MYOM2: variants seen among roughly 807,000 people sequenced by gnomAD.
The protein encoded by MYOM2 is myomesin 2.
Under a neutral mutation model 187.6 loss-of-function variants are expected in MYOM2, and 254 were observed. The observed-to-expected ratio is 1.35, with a 90% confidence interval of 1.22 to 1.50. MYOM2 has a LOEUF of 1.50. Among genes scored for constraint, MYOM2 ranks in the 40% most tolerant of loss-of-function variants. The pLI is 0.00. For synonymous variants in MYOM2, 981 were observed against 753.8 expected, an observed-to-expected ratio of 1.30 and a Z score of -4.94; for missense variants, 2,796 against 1,924.0, an observed-to-expected ratio of 1.45 and a Z score of -8.48.
chr8:2,050,955 C>T, intron 2 of MYOM2, 82 bp downstream of exon 2: 1 of 1,104,476 alleles, frequency 9.1e-7, no homozygotes, highest in South Asian at 1.4e-5. Context: ...GTTCCGTCAG[C>T]CCTGGAGAGG....
rs758582096 is a variant in MYOM2, at chr8:2,123,333, G to A, written c.3535G>A (p.Glu1179Lys). The A allele has an allele frequency of 5.6e-6, 9 of 1,613,926 alleles. No homozygotes were observed. In the South Asian group the frequency reaches 8.8e-5, roughly 16 times the overall value. The change falls in exon 29 of 37, where the codon GAG becomes AAG. Residue 1179 changes from glutamate to lysine, a missense_variant. Glu to Lys is a moderately conservative substitution (Grantham distance 56). Transcript: ENST00000262113. ...LYETETLPNLERGICELLIPK... is the reference protein window; with the variant it reads ...LYETETLPNLKRGICELLIPK... ...TGAAACGGAGACACTGCCTAACCTG[G>A]AGAGGGGAATCTGTGAGCTCCTCAT...
At chr8:2,049,504 A>T (rs1818414672) in intron 1 of MYOM2, among the ~76,000 whole-genome samples, 1 of 152,186 alleles carries the variant, frequency 6.6e-6, no homozygotes, top group Admixed American at 6.5e-5. Context: ...GGAGATCTGA[A>T]CTATGACAAA....
intron 1 of MYOM2, among the ~76,000 whole-genome samples, chr8:2,048,146 G>C (rs542384637): frequency 2.0e-5 from 3 of 152,340 alleles, no homozygotes; most frequent in African/African-American, 7.2e-5. Flanking sequence ...AGTGTAAGTA[G>C]ATACTGTGAT....
intron 31 of MYOM2, among the ~76,000 whole-genome samples, chr8:2,125,724 C>T (rs1053165600): frequency 5.5e-5 from 8 of 146,266 alleles, no homozygotes; most frequent in African/African-American, 1.8e-4. Flanking sequence ...TTTCCTACCT[C>T]AGTCTCCAGA....
At chr8:2,063,106 G>A (rs1818904652) in intron 6 of MYOM2, among the ~76,000 whole-genome samples, 1 of 152,168 alleles carries the variant, frequency 6.6e-6, no homozygotes, top group African/African-American at 2.4e-5. Context: ...TTTTGTCTCA[G>A]TATTCTTGTT....
intron 31 of MYOM2, among the ~76,000 whole-genome samples, chr8:2,125,732 A>C (rs1797613535): frequency 6.9e-6 from 1 of 145,902 alleles, no homozygotes; most frequent in African/African-American, 2.5e-5. Flanking sequence ...CTCAGTCTCC[A>C]GAGTAGCTGG....
chr8:2,144,999 G>A lies in MYOM2; in HGVS notation c.*18G>A, dbSNP rs753713060. On this transcript the variant is annotated 3_prime_UTR_variant, in exon 37 of 37. Transcript: ENST00000262113. ...GCCAGTGAAGGCGTTTTCCTAGCCT[G>A]GAGATGGGAAAATATGCTTGGCAGA... 1 of 1,609,852 alleles carries A rather than the reference G, an allele frequency of 6.2e-7. No individual in the cohort carries two copies. Among genetic ancestry groups the A allele is most frequent in the South Asian group, 1.1e-5 (1 of 90,766 alleles).
intron 25 of MYOM2, among the ~76,000 whole-genome samples, chr8:2,113,615 G>C (rs2116827836): frequency 6.6e-6 from 1 of 152,320 alleles, no homozygotes; most frequent in South Asian, 2.1e-4. Context: ...CATAGTTTCA[G>C]CCGATGACTG....
At position 2,085,256 on chromosome 8, in the gene MYOM2, C is replaced by T. The variant is rs1413992835; in HGVS notation, c.1517-7C>T. On this transcript the variant is annotated splice_region_variant and splice_polypyrimidine_tract_variant and intron_variant, in intron 13 of 36. Coordinates refer to ENST00000262113, the MANE Select transcript of MYOM2 (RefSeq NM_003970.4). ...TTCAGCACTCACCGAATTTATTATT[C>T]CTCCAGGTGACGCCCAGGTTCCAGG... is the stretch of plus-strand genomic sequence containing the variant. The T allele has an allele frequency of 4.3e-6, 7 of 1,613,558 alleles. No homozygotes were observed. The highest frequency in any genetic ancestry group is 5.1e-6 in the Non-Finnish European group (6 of 1,179,764).
At chr8:2,125,684 T>C (rs1797611846) in intron 31 of MYOM2, among the ~76,000 whole-genome samples, 1 of 135,980 alleles carries the variant, frequency 7.4e-6, no homozygotes, top group Non-Finnish European at 1.5e-5. Context: ...CTCGGCTCAC[T>C]GCAACCTCCA....
chr8:2,078,307 A>G (rs1339704815), intron 11 of MYOM2, among the ~76,000 whole-genome samples: 1 of 152,152 alleles, frequency 6.6e-6, no homozygotes, highest in Admixed American at 6.5e-5. Context: ...CTGGAGGCAG[A>G]GGGGGCTGAG....
At chr8:2,046,734 C>A (rs1028293524) in intron 1 of MYOM2, among the ~76,000 whole-genome samples, 3 of 142,352 alleles carry the variant, frequency 2.1e-5, no homozygotes, top group Non-Finnish European at 4.6e-5. Flanking sequence ...CTTTCTTTCT[C>A]TCTCTCTTTC....
intron 14 of MYOM2, among the ~76,000 whole-genome samples, chr8:2,086,420 T>G (rs1017335469): frequency 1.9e-4 from 25 of 128,928 alleles, no homozygotes; most frequent in Non-Finnish European, 3.2e-4. Flanking sequence ...GGCCTCCCAC[T>G]GTTGTGATCT....
At chr8:2,066,299 C>T (rs761179711) in intron 6 of MYOM2, among the ~76,000 whole-genome samples, 18 of 152,324 alleles carry the variant, frequency 1.2e-4, no homozygotes, top group South Asian at 4.1e-4. Flanking sequence ...TGTGCGTTCA[C>T]AGGACAGGCT....
In MYOM2 at chr8:2,069,299, G is replaced by T; in HGVS notation, c.675G>T (p.Ala225=). 1.2e-6 allele frequency: 2 copies of T among 1,613,060 alleles called. No individual in the cohort carries two copies. Among genetic ancestry groups the T allele is most frequent in the Non-Finnish European group, 1.7e-6 (2 of 1,179,646 alleles). Residue 225 remains alanine, a synonymous_variant, in exon 7 of 37, where the codon GCG becomes GCT. Transcript: ENST00000262113. Reference sequence around the variant, plus strand: ...CAAGGGCAGACTTTGACGACACTGCGACATACTCAGCAGTGGCCACCAATG... The same window carrying T: ...CAAGGGCAGACTTTGACGACACTGCTACATACTCAGCAGTGGCCACCAATG... The part of the protein sequence containing the change: ...EINRADFDDT[A]TYSAVATNAH...
At chr8:2,101,393 C>T (rs181762060) in intron 20 of MYOM2, among the ~76,000 whole-genome samples, 3 of 152,274 alleles carry the variant, frequency 2.0e-5, no homozygotes, top group Admixed American at 1.3e-4. Context: ...AAACTAACCA[C>T]AAAAAATAAA....
At chr8:2,105,366 T>A (rs1443165497) in intron 21 of MYOM2, among the ~76,000 whole-genome samples, 1 of 152,192 alleles carries the variant, frequency 6.6e-6, no homozygotes, top group Non-Finnish European at 1.5e-5. Context: ...GAGATGTGTC[T>A]CGTCCAATTC....
In MYOM2 at chr8:2,123,283, A is replaced by C. The variant is rs1797519864; in HGVS notation, c.3485A>C (p.Lys1162Thr). ...AACACCAAGAAAGAAACCGTTTTCA[A>C]ATGGCTCAAGGATGATGTTCTGTAT... ...VANTKKETVFKWLKDDVLYET... is the reference protein window; with the variant it reads ...VANTKKETVFTWLKDDVLYET... Residue 1162 changes from lysine (K) to threonine (T), a missense_variant, in exon 29 of 37, where the codon AAA becomes ACA. Coordinates refer to ENST00000262113, the MANE Select transcript of MYOM2 (RefSeq NM_003970.4). 3 of 1,613,252 alleles carry C rather than the reference A, an allele frequency of 1.9e-6. No homozygotes were observed. Among genetic ancestry groups the C allele is most frequent in the Non-Finnish European group, 1.7e-6 (2 of 1,179,808 alleles).
chr8:2,106,274 C>T lies in MYOM2; in HGVS notation c.2767C>T (p.Gln923Ter), dbSNP rs764866583. The T allele has an allele frequency of 1.9e-6, 3 of 1,614,164 alleles. No homozygotes were observed. The highest frequency in any genetic ancestry group is 1.7e-6 in the Non-Finnish European group (2 of 1,180,044). ...GGAAATCAGTGCTGGTGTCGATGAA[C>T]AAGGCAACATCTATCTGGGCTTCGA... is the stretch of plus-strand genomic sequence containing the variant. The part of the protein sequence containing the change: ...TKEISAGVDE[Q>*]GNIYLGFDCQ... Residue 923 changes from glutamine (Q) to a stop codon, truncating the protein, a stop_gained, in exon 22 of 37, where the codon CAA becomes TAA. Transcript: ENST00000262113. LOFTEE classifies it high-confidence loss of function.
Sources: gnomAD v4.1 joint callset for allele counts (sites outside exome capture counted in the v4.1 genomes callset) on GRCh38, gnomAD v4.1.1 for gene constraint, MANE v1.5 for transcripts, NCBI Gene and HGNC (gene_info 2026-07-23, HGNC 2026-07-21) for gene names.